VAV3: variants seen among roughly 807,000 people sequenced by gnomAD.
VAV3 encodes the protein guanine nucleotide exchange factor VAV3.
VAV3 carries 94 observed loss-of-function variants against 131.2 expected under a neutral mutation model. That is an observed-to-expected ratio of 0.72 (90% CI 0.61 to 0.85). The LOEUF (loss-of-function observed/expected upper bound fraction) is 0.85, where lower values mean the gene tolerates loss of function less well. Among genes scored for constraint, VAV3 ranks in the 40% least tolerant of loss-of-function variants. VAV3 has a pLI of 0.00. For missense variants in VAV3, 939 were observed against 1,002.7 expected, an observed-to-expected ratio of 0.94 and a Z score of 0.86; for synonymous variants, 349 against 342.0, an observed-to-expected ratio of 1.02 and a Z score of -0.22.
rs191365703 is a variant in VAV3, at chr1:107,592,385, G to A, written c.2350+3827C>T. On this transcript the variant is annotated intron_variant, in intron 25 of 26. Transcript: ENST00000370056. ...GATATTTATTTGTCCCATTATTAGG[G>A]ATGTTAACTTCAATCACTTGGTTAT... Among the ~76,000 whole-genome samples, 541 of 152,108 alleles carry A rather than the reference G, an allele frequency of 3.6e-3. 2 individuals carry two copies. Among genetic ancestry groups the A allele is most frequent in the Non-Finnish European group, 6.0e-3 (409 of 67,968 alleles).
intron 4 of VAV3, among the ~76,000 whole-genome samples, chr1:107,774,912 G>A (rs201264026): frequency 1.5e-5 from 1 of 66,296 alleles, no homozygotes; most frequent in Non-Finnish European, 3.7e-5. Flanking sequence ...TAATACATTT[G>A]CTTTTTTTTT....
intron 17 of VAV3, among the ~76,000 whole-genome samples, chr1:107,701,332 C>G (rs572652669): frequency 0.013 from 433 of 32,380 alleles, 1 homozygote; most frequent in African/African-American, 0.027. Context: ...CTTGCACCCT[C>G]TGAAGCAACA....
chr1:107,611,608 AC>A (rs113647497), intron 21 of VAV3, among the ~76,000 whole-genome samples: 37,425 of 141,150 alleles, frequency 0.27, 4,757 homozygotes, highest in East Asian at 0.31. Context: ...AAAAAAAAAA[AC>A]AAACAAACAA....
chr1:107,937,348 A>G (rs1308333750), intron 1 of VAV3, among the ~76,000 whole-genome samples: 1 of 152,222 alleles, frequency 6.6e-6, no homozygotes, highest in Non-Finnish European at 1.5e-5. Flanking sequence ...GAATGTGGCT[A>G]GTGACTGCAG....
chr1:107,891,973 C>G (rs148786118), intron 1 of VAV3, among the ~76,000 whole-genome samples: 60 of 151,012 alleles, frequency 4.0e-4, no homozygotes, highest in Middle Eastern at 3.4e-3. Flanking sequence ...GTAGATGATT[C>G]TATCTTCCTT....
chr1:107,904,442 T>A (rs1672009722), intron 1 of VAV3, among the ~76,000 whole-genome samples: 1 of 152,206 alleles, frequency 6.6e-6, no homozygotes, highest in Non-Finnish European at 1.5e-5. Context: ...ACCAACGACC[T>A]CTCAACTGCC....
intron 2 of VAV3, among the ~76,000 whole-genome samples, chr1:107,815,304 C>T (rs1483832884): frequency 6.6e-6 from 1 of 152,200 alleles, no homozygotes; most frequent in East Asian, 1.9e-4. Flanking sequence ...CAGCCCCAGA[C>T]TAACTTGGGA....
intron 2 of VAV3, among the ~76,000 whole-genome samples, chr1:107,853,652 A>C (rs1485842261): frequency 6.6e-6 from 1 of 152,060 alleles, no homozygotes; most frequent in Non-Finnish European, 1.5e-5. Context: ...TTTTGATGAC[A>C]AAGCAGGACA....
chr1:107,662,241 C>A (rs1657074860), intron 19 of VAV3, among the ~76,000 whole-genome samples: 1 of 152,124 alleles, frequency 6.6e-6, no homozygotes, highest in African/African-American at 2.4e-5. Flanking sequence ...ACCTAGTCCC[C>A]TTCCTCCGAG....
intron 2 of VAV3, among the ~76,000 whole-genome samples, chr1:107,826,248 G>C (rs972875793): frequency 1.3e-5 from 2 of 151,868 alleles, no homozygotes; most frequent in Admixed American, 1.3e-4. Context: ...TAATAGGCAA[G>C]CTGGAGGAAA....
chr1:107,740,312 T>C (rs1253326363), intron 15 of VAV3, among the ~76,000 whole-genome samples: 2 of 152,092 alleles, frequency 1.3e-5, no homozygotes, highest in East Asian at 3.9e-4. Context: ...TGCTTCTTGT[T>C]GATATGGCTG....
At chr1:107,810,671 G>A (rs1194583820) in intron 2 of VAV3, among the ~76,000 whole-genome samples, 1 of 151,986 alleles carries the variant, frequency 6.6e-6, no homozygotes, top group East Asian at 1.9e-4. Flanking sequence ...CTCAGTGTTT[G>A]AGCTGAACAA....
At chr1:107,921,858 T>C (rs1392476704) in intron 1 of VAV3, among the ~76,000 whole-genome samples, 1 of 152,198 alleles carries the variant, frequency 6.6e-6, no homozygotes, top group African/African-American at 2.4e-5. Context: ...AAAAAAGGTA[T>C]TAAAAGTATG....
chr1:107,824,008 C>T (rs1309526100), intron 2 of VAV3, among the ~76,000 whole-genome samples: 4 of 152,156 alleles, frequency 2.6e-5, no homozygotes, highest in East Asian at 1.9e-4. Context: ...TATTTTGTTA[C>T]GGCAGTCCAA....
chr1:107,847,582 G>C (rs373369490), intron 2 of VAV3, among the ~76,000 whole-genome samples: 2 of 152,100 alleles, frequency 1.3e-5, no homozygotes, highest in Non-Finnish European at 2.9e-5. Context: ...AAATGATAAA[G>C]GGGATATCAC....
intron 15 of VAV3, among the ~76,000 whole-genome samples, chr1:107,744,389 A>G (rs1163202043): frequency 6.6e-6 from 1 of 152,194 alleles, no homozygotes; most frequent in Non-Finnish European, 1.5e-5. Context: ...GTCTTTCTTC[A>G]TTCAAGGGGG....
intron 4 of VAV3, among the ~76,000 whole-genome samples, chr1:107,774,195 T>C (rs548587815): frequency 1.3e-5 from 2 of 152,064 alleles, no homozygotes; most frequent in Non-Finnish European, 2.9e-5. Context: ...GCCTCCTGGG[T>C]AGCTGGAATT....
At chr1:107,754,038 T>C (rs1028676317) in intron 12 of VAV3, among the ~76,000 whole-genome samples, 4 of 152,170 alleles carry the variant, frequency 2.6e-5, no homozygotes, top group African/African-American at 7.2e-5. Context: ...GAGATTACAA[T>C]TGAAGGCAGA....
intron 2 of VAV3, among the ~76,000 whole-genome samples, chr1:107,834,942 G>A (rs1462297129): frequency 2.0e-5 from 3 of 152,122 alleles, no homozygotes; most frequent in African/African-American, 7.2e-5. Flanking sequence ...ACTGACAGGG[G>A]CATCTGTCCA....
Sources: gnomAD v4.1 joint callset for allele counts (sites outside exome capture counted in the v4.1 genomes callset) on GRCh38, gnomAD v4.1.1 for gene constraint, MANE v1.5 for transcripts, NCBI Gene and HGNC (gene_info 2026-07-23, HGNC 2026-07-21) for gene names.